Variants in LOXHD1 observed in about 807,000 individuals in gnomAD.
LOXHD1 encodes lipoxygenase homology domain-containing protein 1.
Under a neutral mutation model 248.2 loss-of-function variants are expected in LOXHD1, and 205 were observed. The observed-to-expected ratio is 0.83, with a 90% CI of 0.74 to 0.93. The LOEUF (loss-of-function observed/expected upper bound fraction) is 0.93. LOXHD1 is among the 40% of genes least tolerant of loss of function. The probability of loss-of-function intolerance (pLI) is 0.00; values close to 1 mark genes in which losing one functional copy is unlikely to be tolerated. For missense variants in LOXHD1, 2,930 were observed against 2,971.6 expected (o/e 0.99, Z 0.33); for synonymous variants, 1,113 against 1,162.8 (o/e 0.96, Z 0.87).
intron 8 of LOXHD1, among the ~76,000 whole-genome samples, chr18:46,596,039 A>G (rs2038252079): frequency 6.6e-6 from 1 of 152,166 alleles, no homozygotes; most frequent in African/African-American, 2.4e-5. Flanking sequence ...AAGCAACAAA[A>G]TATAGTATTG....
intron 8 of LOXHD1, among the ~76,000 whole-genome samples, 165 bp downstream of exon 8, chr18:46,601,052 G>T (rs1004937668): frequency 6.6e-6 from 1 of 152,186 alleles, no homozygotes; most frequent in Non-Finnish European, 1.5e-5. Context: ...CACTTTTGAG[G>T]CAAGATAGAC....
chr18:46,572,203 C>G, intron 14 of LOXHD1, 41 bp from the exon 15 acceptor site: 1 of 1,516,894 alleles, frequency 6.6e-7, no homozygotes, highest in Non-Finnish European at 9.0e-7. Context: ...TTGGGTGGAG[C>G]AGGCAGACAA....
At chr18:46,519,813 G>A (rs1050725363) in intron 33 of LOXHD1, among the ~76,000 whole-genome samples, 1 of 152,166 alleles carries the variant, frequency 6.6e-6, no homozygotes, top group Admixed American at 6.5e-5. Flanking sequence ...AAAAGAGACA[G>A]AAACAGTGCT....
At chr18:46,639,170 T>C (rs2038930955) in intron 4 of LOXHD1, among the ~76,000 whole-genome samples, 1 of 152,174 alleles carries the variant, frequency 6.6e-6, no homozygotes, top group Non-Finnish European at 1.5e-5. Flanking sequence ...GAGGGCAGCA[T>C]GATGAGCTCT....
In LOXHD1 at chr18:46,567,959, G is replaced by A. The variant is rs148912310; in HGVS notation, c.2244+1483C>T. On this transcript the variant is annotated intron_variant, in intron 16 of 40. Transcript: ENST00000642948. ...CTCTTCCTAGAGGTCTAACTTACCC[G>A]CCAGCTGCTGCCCAAAATCCTTTAG... Among the ~76,000 whole-genome samples the A allele has an allele frequency of 6.6e-5, 10 of 152,220 alleles. No individual in the cohort carries two copies. The East Asian group carries it at 1.2e-3, about 18-fold the overall frequency.
intron 34 of LOXHD1, 102 bp from the exon 35 acceptor site, chr18:46,509,917 G>A: frequency 1.2e-6 from 1 of 816,690 alleles, no homozygotes; most frequent in Non-Finnish European, 2.1e-6. Context: ...GAGAAGATTA[G>A]GCCTTTACTC....
intron 4 of LOXHD1, among the ~76,000 whole-genome samples, chr18:46,619,702 G>C (rs1353350453): frequency 6.6e-6 from 1 of 152,164 alleles, no homozygotes; most frequent in Admixed American, 6.5e-5. Flanking sequence ...GAGGTGACAC[G>C]GTGCAGGATC....
At chr18:46,479,175 A>G (rs1297924784) in intron 40 of LOXHD1, among the ~76,000 whole-genome samples, 9 of 151,942 alleles carry the variant, frequency 5.9e-5, no homozygotes, top group South Asian at 2.1e-4. Flanking sequence ...TGACTATTAA[A>G]TGTACGCTCC....
chr18:46,543,272 G>A (rs988142497), intron 23 of LOXHD1, among the ~76,000 whole-genome samples: 4 of 152,082 alleles, frequency 2.6e-5, no homozygotes, highest in Admixed American at 2.0e-4. Flanking sequence ...TTCAGTATTT[G>A]GTTTCTCCAT....
intron 17 of LOXHD1, among the ~76,000 whole-genome samples, chr18:46,564,834 T>G (rs1409691416): frequency 6.6e-6 from 1 of 152,166 alleles, no homozygotes; most frequent in Non-Finnish European, 1.5e-5. Flanking sequence ...GCAGGTTGCT[T>G]CAGATTAGAC....
chr18:46,550,161 T>C (rs1473620492), intron 21 of LOXHD1, among the ~76,000 whole-genome samples: 1 of 152,250 alleles, frequency 6.6e-6, no homozygotes, highest in Non-Finnish European at 1.5e-5. Flanking sequence ...CCACCATTTC[T>C]GTCATGTGTT....
intron 38 of LOXHD1, among the ~76,000 whole-genome samples, chr18:46,486,374 C>T (rs2033052719): frequency 6.6e-6 from 1 of 152,218 alleles, no homozygotes; most frequent in African/African-American, 2.4e-5. Context: ...CCCAGCCCCT[C>T]AGCCACCCTT....
intron 11 of LOXHD1, 53 bp from the exon 12 acceptor site, chr18:46,592,121 T>A: frequency 1.3e-6 from 2 of 1,548,692 alleles, no homozygotes; most frequent in Non-Finnish European, 1.7e-6. Context: ...TGTTCACCGA[T>A]GCCCTGCAGT....
chr18:46,538,603 C>T (rs947623095), intron 25 of LOXHD1, among the ~76,000 whole-genome samples: 1 of 152,196 alleles, frequency 6.6e-6, no homozygotes, highest in Non-Finnish European at 1.5e-5. Flanking sequence ...GCACATGTAG[C>T]AGACTGGTTG....
rs1447400903 is a variant in LOXHD1 at position 46,657,081 on chromosome 18, C to T, written c.-48G>A. Reference sequence around the variant, plus strand: ...CGCTCGCAGGCTCACTGTGCCGCCTCCTCACACCTGCGGGAACCTGAGACC... The same window carrying T: ...CGCTCGCAGGCTCACTGTGCCGCCTTCTCACACCTGCGGGAACCTGAGACC... On this transcript the variant is annotated 5_prime_UTR_variant, in exon 1 of 41. Coordinates refer to ENST00000642948, the MANE Select transcript of LOXHD1 (RefSeq NM_001384474.1). The T allele has an allele frequency of 6.4e-7, 1 of 1,551,096 alleles. No homozygotes were observed. The highest frequency in any genetic ancestry group is 1.4e-5 in the African/African-American group (1 of 73,040).
At position 46,483,635 on chromosome 18, in the gene LOXHD1, G is replaced by A. The variant is rs1377016; in HGVS notation, c.6293C>T (p.Ala2098Val). ...GATGGTGATGGTCTTGACATGCCAG[G>A]CAAGTTCTCTCTTGGGGATAAACCG... The part of the protein sequence containing the change: ...EDRFIPKREL[A>V]WHVKTITITE... The change falls in exon 40 of 41, where the codon GCC (alanine) becomes GTC (valine). Residue 2098 changes from alanine (A) to valine (V), a missense_variant. Physicochemically the swap from Ala to Val is moderately conservative, Grantham distance 64. Transcript: ENST00000642948. 524,702 of 1,551,192 alleles carry A rather than the reference G, an allele frequency of 0.34. 93,793 individuals carry two copies. Among genetic ancestry groups the A allele is most frequent in the East Asian group, 0.77 (31,363 of 40,876 alleles).
chr18:46,575,048 G>A (rs1383970845), intron 14 of LOXHD1, among the ~76,000 whole-genome samples: 1 of 152,136 alleles, frequency 6.6e-6, no homozygotes, highest in Non-Finnish European at 1.5e-5. Context: ...CTAGCTCTAT[G>A]CTCTTATTCT....
intron 33 of LOXHD1, among the ~76,000 whole-genome samples, chr18:46,518,525 C>T (rs546077317): frequency 3.3e-5 from 5 of 152,346 alleles, no homozygotes; most frequent in South Asian, 2.1e-4. Flanking sequence ...CGTTAACTGA[C>T]GCTGTCAGTT....
At chr18:46,639,557 C>T (rs1599068882) in intron 4 of LOXHD1, 59 bp downstream of exon 4, 2 of 1,510,316 alleles carry the variant, frequency 1.3e-6, no homozygotes, top group Non-Finnish European at 1.8e-6. Context: ...ACGATTCTTT[C>T]CTGGGTGAGC....
Sources: allele counts gnomAD v4.1 joint callset (sites outside exome capture counted in the v4.1 genomes callset), GRCh38; gene constraint gnomAD v4.1.1; transcripts MANE v1.5; gene names NCBI Gene and HGNC (gene_info 2026-07-23, HGNC 2026-07-21).